The following CNTNAP5 variants were observed in gnomAD, a reference collection of about 807,000 sequenced individuals.
The protein encoded by CNTNAP5 is contactin associated protein family member 5, also known as contactin-associated protein-like 5.
CNTNAP5 carries 72 observed loss-of-function variants against 150.2 expected under a neutral mutation model. The observed-to-expected ratio is 0.48, with a 90% CI of 0.40 to 0.58. CNTNAP5 has a LOEUF of 0.58. Among genes scored for constraint, CNTNAP5 ranks in the 20% least tolerant of loss-of-function variants. The pLI is 0.00. For synonymous variants in CNTNAP5, 672 were observed against 619.8 expected (o/e 1.08, Z -1.25); for missense variants, 1,636 against 1,626.2 (o/e 1.01, Z -0.10).
chr2:124,841,106 T>A (rs993742390), intron 19 of CNTNAP5, among the ~76,000 whole-genome samples: 2 of 152,042 alleles, frequency 1.3e-5, no homozygotes, highest in African/African-American at 4.8e-5. Flanking sequence ...TGGGTCAAGT[T>A]GCCACCTACC....
intron 1 of CNTNAP5, among the ~76,000 whole-genome samples, chr2:124,027,636 A>G (rs1447028362): frequency 6.6e-6 from 1 of 152,248 alleles, no homozygotes; most frequent in African/African-American, 2.4e-5. Flanking sequence ...GCTTATCATT[A>G]CCGATGTAGT....
At chr2:124,140,093 C>A (rs372715423) in intron 1 of CNTNAP5, among the ~76,000 whole-genome samples, 1 of 151,846 alleles carries the variant, frequency 6.6e-6, no homozygotes, top group Non-Finnish European at 1.5e-5. Flanking sequence ...GCTTAAAAAA[C>A]GGCGCACCAC....
At chr2:124,870,936 T>A (rs1303025724) in intron 21 of CNTNAP5, among the ~76,000 whole-genome samples, 1 of 152,038 alleles carries the variant, frequency 6.6e-6, no homozygotes, top group African/African-American at 2.4e-5. Flanking sequence ...GTTTATAATT[T>A]CCAGATGTAA....
chr2:124,631,439 A>G (rs545072552), intron 12 of CNTNAP5, among the ~76,000 whole-genome samples: 1 of 152,176 alleles, frequency 6.6e-6, no homozygotes, highest in South Asian at 2.1e-4. Context: ...CAACCATCTC[A>G]TCTTTGACAA....
At chr2:124,821,311 C>T (rs1158391164) in intron 19 of CNTNAP5, among the ~76,000 whole-genome samples, 1 of 152,104 alleles carries the variant, frequency 6.6e-6, no homozygotes, top group Admixed American at 6.6e-5. Flanking sequence ...GCCTTTCTAT[C>T]CACTTTCTTT....
intron 21 of CNTNAP5, among the ~76,000 whole-genome samples, chr2:124,880,451 T>C (rs1677943382): frequency 6.6e-6 from 1 of 152,164 alleles, no homozygotes; most frequent in Non-Finnish European, 1.5e-5. Context: ...TCAACTCTAA[T>C]CAATCATATA....
At chr2:124,696,385 C>T (rs1288995729) in intron 13 of CNTNAP5, among the ~76,000 whole-genome samples, 1 of 152,126 alleles carries the variant, frequency 6.6e-6, no homozygotes, top group African/African-American at 2.4e-5. Flanking sequence ...CTTTTCTATC[C>T]TAGAGAAATA....
At chr2:124,033,408 T>G (rs1681117462) in intron 1 of CNTNAP5, among the ~76,000 whole-genome samples, 1 of 152,220 alleles carries the variant, frequency 6.6e-6, no homozygotes, top group Non-Finnish European at 1.5e-5. Flanking sequence ...CACTATTTAC[T>G]GAATAGGTGG....
intron 19 of CNTNAP5, among the ~76,000 whole-genome samples, chr2:124,865,060 T>C (rs1179868224): frequency 6.6e-6 from 1 of 151,654 alleles, no homozygotes; most frequent in Non-Finnish European, 1.5e-5. Flanking sequence ...ACTGGCATTT[T>C]GGTTTGTGAT....
intron 1 of CNTNAP5, among the ~76,000 whole-genome samples, chr2:124,107,938 G>T (rs34386117): frequency 0.3 from 45,071 of 152,076 alleles, 7,268 homozygotes; most frequent in Admixed American, 0.38. Flanking sequence ...GGACTTCCAG[G>T]TCATAGCTAG....
chr2:124,275,564 T>G (rs1573884508), intron 3 of CNTNAP5, among the ~76,000 whole-genome samples: 1 of 152,162 alleles, frequency 6.6e-6, no homozygotes, highest in East Asian at 1.9e-4. Flanking sequence ...TTCTGGCTGT[T>G]GATGCCTCAT....
At chr2:124,578,196 G>A (rs987277868) in intron 11 of CNTNAP5, among the ~76,000 whole-genome samples, 2 of 150,874 alleles carry the variant, frequency 1.3e-5, no homozygotes, top group African/African-American at 4.9e-5. Context: ...CGGGCATGGT[G>A]GCAGGCACCT....
chr2:124,410,370 C>G (rs1438943394), intron 3 of CNTNAP5, among the ~76,000 whole-genome samples: 1 of 151,782 alleles, frequency 6.6e-6, no homozygotes, highest in Non-Finnish European at 1.5e-5. Context: ...AGCTCTGCAC[C>G]AAGCGGACCT....
At chr2:124,738,488 T>A (rs1240763634) in intron 13 of CNTNAP5, among the ~76,000 whole-genome samples, 1 of 152,050 alleles carries the variant, frequency 6.6e-6, no homozygotes, top group African/African-American at 2.4e-5. Flanking sequence ...ATCTCAGCAC[T>A]TTGGGAGGTT....
chr2:124,841,224 G>A (rs529503221), intron 19 of CNTNAP5, among the ~76,000 whole-genome samples: 2 of 151,890 alleles, frequency 1.3e-5, no homozygotes, highest in Non-Finnish European at 2.9e-5. Flanking sequence ...GCAAATGATG[G>A]GTTGGTTAAA....
Position 124,203,918 on chromosome 2 carries a change from T to C in CNTNAP5, c.83-17787T>C, listed in dbSNP as rs1685795817. 3.3e-5 allele frequency among the ~76,000 whole-genome samples: 5 copies of C among 152,194 alleles called. No individual in the cohort carries two copies. The South Asian group carries it at 1.0e-3, about 32-fold the overall frequency. ...TTCCCCATTGTCTTGGCCAGTAACA[T>C]TTGGCGCCTTGTTACTTATGCAAAT... On this transcript the variant is annotated intron_variant, in intron 1 of 23. Coordinates refer to ENST00000682447, the MANE Select transcript of CNTNAP5 (RefSeq NM_001367498.1).
chr2:124,652,078 GA>G (rs2105032380), intron 13 of CNTNAP5, among the ~76,000 whole-genome samples: 1 of 152,278 alleles, frequency 6.6e-6, no homozygotes, highest in East Asian at 1.9e-4. Context: ...GTCATTTTAT[GA>G]CAGTCTCCTT....
chr2:124,339,425 A>G (rs1012254982), intron 3 of CNTNAP5, among the ~76,000 whole-genome samples: 1 of 152,120 alleles, frequency 6.6e-6, no homozygotes, highest in African/African-American at 2.4e-5. Flanking sequence ...TAGGCTGGAG[A>G]AAAGAAAAAG....
intron 12 of CNTNAP5, among the ~76,000 whole-genome samples, chr2:124,612,675 T>C (rs1200967405): frequency 1.3e-5 from 2 of 152,114 alleles, no homozygotes; most frequent in South Asian, 2.1e-4. Flanking sequence ...TATGGTGGGG[T>C]ATTTATTTTG....
Sources: gnomAD v4.1 joint callset for allele counts (sites outside exome capture counted in the v4.1 genomes callset) on GRCh38, gnomAD v4.1.1 for gene constraint, MANE v1.5 for transcripts, NCBI Gene and HGNC (gene_info 2026-07-23, HGNC 2026-07-21) for gene names.